Variants in EYS observed in about 807,000 individuals in gnomAD.
EYS encodes protein eyes shut homolog.
In EYS, 250 loss-of-function variants were observed where a neutral mutation model predicts 282.1. That is an observed-to-expected ratio of 0.89 (90% CI 0.80 to 0.98). The LOEUF (loss-of-function observed/expected upper bound fraction) is 0.98, where lower values mean the gene tolerates loss of function less well. Ranked by LOEUF, EYS falls within the 50% of genes least tolerant of loss-of-function variation. EYS has a pLI of 0.00. For synonymous variants in EYS, 1,355 were observed against 1,282.9 expected, an observed-to-expected ratio of 1.06 and a Z score of -1.20; for missense variants, 4,016 against 3,709.0, an observed-to-expected ratio of 1.08 and a Z score of -2.15.
At chr6:63,837,802 A>G (rs1199124339) in intron 36 of EYS, among the ~76,000 whole-genome samples, 1 of 152,136 alleles carries the variant, frequency 6.6e-6, no homozygotes, top group Non-Finnish European at 1.5e-5. Context: ...CAATATCAAG[A>G]TTATATTCCC....
chr6:64,902,159 A>T lies in EYS; in HGVS notation c.2800T>A (p.Ser934Thr), dbSNP rs1767687103. Residue 934 changes from serine (S) to threonine (T), a missense_variant, in exon 18 of 43, where the codon TCT becomes ACT. Ser to Thr is a moderately conservative substitution (Grantham distance 58). Coordinates refer to ENST00000503581, the MANE Select transcript of EYS (RefSeq NM_001142800.2). ...GTTCCATTATTTTTGCAAGGTTCAGAGGAACATTCATTAATTTCAATTTCA... is the reference window on the plus strand; with the variant it reads ...GTTCCATTATTTTTGCAAGGTTCAGTGGAACATTCATTAATTTCAATTTCA... ...LCEIEINECS[S>T]EPCKNNGTCV... is the part of the protein sequence containing the mutation. 1 of 1,550,626 alleles carries T rather than the reference A, an allele frequency of 6.4e-7. No homozygotes were observed. The highest frequency in any genetic ancestry group is 2.0e-5 in the Admixed American group (1 of 50,934).
intron 36 of EYS, among the ~76,000 whole-genome samples, chr6:63,826,273 T>A (rs1771457944): frequency 6.6e-6 from 1 of 152,190 alleles, no homozygotes; most frequent in Admixed American, 6.5e-5. Flanking sequence ...ATAATCATTG[T>A]TCCTGAGGAA....
At chr6:65,099,005 G>A (rs1013077239) in intron 12 of EYS, among the ~76,000 whole-genome samples, 1 of 150,578 alleles carries the variant, frequency 6.6e-6, no homozygotes, top group Non-Finnish European at 1.5e-5. Flanking sequence ...CAATGTAAAT[G>A]TTTAATCTAA....
chr6:65,215,346 C>T (rs1183309768), intron 12 of EYS, among the ~76,000 whole-genome samples: 2 of 151,792 alleles, frequency 1.3e-5, no homozygotes, highest in Admixed American at 6.6e-5. Context: ...GTTCAGGCTT[C>T]GGTGGAAGAA....
chr6:63,782,953 C>CTT (rs370852211), intron 39 of EYS, among the ~76,000 whole-genome samples: 264 of 139,372 alleles, frequency 1.9e-3, no homozygotes, highest in Middle Eastern at 0.011. Context: ...TGCAGTATAG[C>CTT]TTTTTTTTTT....
intron 24 of EYS, among the ~76,000 whole-genome samples, chr6:64,601,042 A>G (rs1766745768): frequency 6.6e-6 from 1 of 151,868 alleles, no homozygotes; most frequent in Admixed American, 6.6e-5. Flanking sequence ...CTTAACTACC[A>G]CCTTCTAAAA....
intron 30 of EYS, 127 bp from the exon 31 acceptor site, chr6:64,230,951 G>A: frequency 2.0e-6 from 1 of 512,082 alleles, no homozygotes; most frequent in East Asian, 3.1e-5. Context: ...GTTTAACTGA[G>A]GACAAATAAA....
intron 31 of EYS, among the ~76,000 whole-genome samples, chr6:64,099,649 C>T (rs967902361): frequency 2.0e-5 from 3 of 152,024 alleles, no homozygotes; most frequent in Non-Finnish European, 2.9e-5. Context: ...TATATGAGTA[C>T]TTAAGCATGG....
chr6:64,989,954 A>G (rs1771008180), intron 14 of EYS, among the ~76,000 whole-genome samples: 1 of 151,098 alleles, frequency 6.6e-6, no homozygotes, highest in African/African-American at 2.4e-5. Flanking sequence ...AAGACTAAAG[A>G]ACAGAGATAC....
At chr6:64,293,621 A>G (rs886249794) in intron 30 of EYS, among the ~76,000 whole-genome samples, 1 of 152,240 alleles carries the variant, frequency 6.6e-6, no homozygotes, top group Non-Finnish European at 1.5e-5. Flanking sequence ...GATATAAGGT[A>G]GCTTTAAAGG....
chr6:65,261,281 A>G, intron 12 of EYS, among the ~76,000 whole-genome samples: 1 of 151,912 alleles, frequency 6.6e-6, no homozygotes, highest in East Asian at 1.9e-4. Flanking sequence ...ATATATATTT[A>G]CATTCACATG....
At chr6:64,579,463 C>T (rs762210452) in intron 26 of EYS, among the ~76,000 whole-genome samples, 1 of 152,112 alleles carries the variant, frequency 6.6e-6, no homozygotes, top group Non-Finnish European at 1.5e-5. Context: ...AGATCATTCT[C>T]ATGTATGAAG....
rs561735316 is a variant in EYS at position 65,642,088 on chromosome 6, C to T, written c.-447-2196G>A. 3.2e-4 allele frequency among the ~76,000 whole-genome samples: 49 copies of T among 152,138 alleles called. No homozygotes were observed. The South Asian group carries it at 4.6e-3, about 14-fold the overall frequency. ...ATCCATAACTGAATATATAGGGCCT[C>T]GAGGAGTTCTGAGTATCTGAGAGGT... On this transcript the variant is annotated intron_variant, in intron 1 of 42. Coordinates refer to ENST00000503581, the MANE Select transcript of EYS (RefSeq NM_001142800.2).
At chr6:64,207,981 ATTG>A (rs1213932100) in intron 31 of EYS, among the ~76,000 whole-genome samples, 10 of 152,116 alleles carry the variant, frequency 6.6e-5, no homozygotes, top group Non-Finnish European at 1.5e-4. Flanking sequence ...ACTTTCAGAT[ATTG>A]TTTATATAGC....
chr6:64,647,052 A>G (rs1190900827), intron 22 of EYS, among the ~76,000 whole-genome samples: 1 of 152,164 alleles, frequency 6.6e-6, no homozygotes, highest in Non-Finnish European at 1.5e-5. Flanking sequence ...CAACTTATAA[A>G]AGAAACCACT....
rs1039422406 is a variant in EYS, at chr6:65,406,876, G to A, written c.863-1509C>T. ...CATAATGCATATAGCTATATAGTAG[G>A]TTTTGAAATTGGGTAGTCATTCAAC... On this transcript the variant is annotated intron_variant, in intron 5 of 42. Coordinates refer to ENST00000503581, the MANE Select transcript of EYS (RefSeq NM_001142800.2). 5.3e-5 allele frequency among the ~76,000 whole-genome samples: 8 copies of A among 152,080 alleles called. 1 individual carries two copies. In the South Asian group the frequency reaches 6.2e-4, roughly 12 times the overall value.
chr6:64,807,693 A>G (rs1764474221), intron 22 of EYS, among the ~76,000 whole-genome samples: 1 of 152,112 alleles, frequency 6.6e-6, no homozygotes, highest in Admixed American at 6.6e-5. Context: ...ATTACTAAAA[A>G]TAAGTTTAGG....
intron 12 of EYS, among the ~76,000 whole-genome samples, chr6:65,170,044 T>C (rs1765067422): frequency 6.6e-6 from 1 of 151,582 alleles, no homozygotes. Context: ...AGAACTATTT[T>C]TGTGATAAGG....
At chr6:65,619,450 T>C (rs1272890725) in intron 2 of EYS, among the ~76,000 whole-genome samples, 1 of 152,226 alleles carries the variant, frequency 6.6e-6, no homozygotes, top group African/African-American at 2.4e-5. Flanking sequence ...TAGGAGATTT[T>C]GGGCTGAGAC....
Sources: gnomAD v4.1 joint callset for allele counts (sites outside exome capture counted in the v4.1 genomes callset) on GRCh38, gnomAD v4.1.1 for gene constraint, MANE v1.5 for transcripts, NCBI Gene and HGNC (gene_info 2026-07-23, HGNC 2026-07-21) for gene names.